Variants in CCDC171 observed in about 807,000 individuals in gnomAD.
The protein encoded by CCDC171 is coiled-coil domain containing 171.
CCDC171 carries 177 observed loss-of-function variants against 168.2 expected under a neutral mutation model. The observed-to-expected ratio is 1.05, with a 90% CI of 0.93 to 1.19. CCDC171 has a LOEUF of 1.19. Among genes scored for constraint, CCDC171 ranks in the 50% most tolerant of loss-of-function variants. The pLI is 0.00. For missense variants in CCDC171, 1,991 were observed against 1,539.0 expected (o/e 1.29, Z -4.91); for synonymous variants, 687 against 540.8 (o/e 1.27, Z -3.75).
rs114368133 is a variant in CCDC171 at position 15,959,927 on chromosome 9, A to G, written c.3754-11682A>G. 7.3e-3 allele frequency among the ~76,000 whole-genome samples: 1,118 copies of G among 152,274 alleles called. 20 individuals carry two copies. The highest frequency in any genetic ancestry group is 0.026 in the African/African-American group (1,062 of 41,572). On this transcript the variant is annotated intron_variant, in intron 25 of 25. Transcript: ENST00000380701. ...GTTTTCAGATGACAGAAAGGGAAGG[A>G]TGGGCACCCCAAATTTTTGTTAGAG...
intron 12 of CCDC171, among the ~76,000 whole-genome samples, chr9:15,723,022 C>T (rs1219445310): frequency 6.6e-6 from 1 of 152,154 alleles, no homozygotes; most frequent in Non-Finnish European, 1.5e-5. Flanking sequence ...AAAGTCGACT[C>T]AGCAGGCTTT....
At chr9:15,808,257 G>T (rs1173611717) in intron 21 of CCDC171, among the ~76,000 whole-genome samples, 1 of 152,060 alleles carries the variant, frequency 6.6e-6, no homozygotes, top group African/African-American at 2.4e-5. Context: ...AAATATAACT[G>T]GAATGCTAGA....
chr9:16,024,943 C>G (rs993565586), intron 6 of CCDC171, among the ~76,000 whole-genome samples: 4 of 152,302 alleles, frequency 2.6e-5, no homozygotes, highest in African/African-American at 9.6e-5. Flanking sequence ...AGACATGGAA[C>G]TTTCCATTCC....
chr9:15,961,319 T>C (rs759070634), intron 25 of CCDC171, among the ~76,000 whole-genome samples: 3 of 152,148 alleles, frequency 2.0e-5, no homozygotes, highest in Non-Finnish European at 2.9e-5. Context: ...AGTAATGAAA[T>C]AGTGGTCAGA....
Position 15,584,490 on chromosome 9 carries a change from A to G in CCDC171, c.352+5467A>G, listed in dbSNP as rs200874162. 3.9e-5 allele frequency among the ~76,000 whole-genome samples: 6 copies of G among 152,184 alleles called. No individual in the cohort carries two copies. In the East Asian group the frequency reaches 7.7e-4, roughly 20 times the overall value. On this transcript the variant is annotated intron_variant, in intron 4 of 25. Coordinates refer to ENST00000380701, the MANE Select transcript of CCDC171 (RefSeq NM_173550.4). ...TGGAGAAATATGACTGGACAAAAGT[A>G]TATGTTCCAATGTAATAAACTGAGT...
intron 21 of CCDC171, among the ~76,000 whole-genome samples, chr9:15,815,206 G>T (rs2059519380): frequency 6.6e-6 from 1 of 152,078 alleles, no homozygotes; most frequent in Non-Finnish European, 1.5e-5. Flanking sequence ...GGGGTCTCAA[G>T]ACTTACGCCT....
intron 8 of CCDC171, among the ~76,000 whole-genome samples, chr9:15,658,231 T>C (rs1432974245): frequency 1.3e-5 from 2 of 152,220 alleles, no homozygotes; most frequent in African/African-American, 4.8e-5. Context: ...AGACTAATTA[T>C]GGAAGTCCTT....
At chr9:16,032,943 T>G (rs183197319) in intron 6 of CCDC171, among the ~76,000 whole-genome samples, 10 of 152,290 alleles carry the variant, frequency 6.6e-5, no homozygotes, top group Admixed American at 6.5e-4. Context: ...TCTGTCTTAG[T>G]AAGCTCCTCC....
intron 6 of CCDC171, among the ~76,000 whole-genome samples, chr9:16,033,782 A>T (rs1236600656): frequency 6.8e-6 from 1 of 147,842 alleles, no homozygotes; most frequent in African/African-American, 2.5e-5. Context: ...TTAACCTCCC[A>T]TAGTCTTCCT....
At chr9:15,994,592 A>T (rs115311079) in intron 3 of CCDC171, among the ~76,000 whole-genome samples, 1 of 152,312 alleles carries the variant, frequency 6.6e-6, no homozygotes, top group African/African-American at 2.4e-5. Flanking sequence ...ATATAAAAAA[A>T]AGTTTCTCTT....
chr9:16,065,345 G>A (rs113000258), downstream of CCDC171, among the ~76,000 whole-genome samples: 14 of 152,018 alleles, frequency 9.2e-5, no homozygotes, highest in Non-Finnish European at 1.6e-4. Context: ...CTTCTGGGAC[G>A]TTCTGGGAAA....
At chr9:15,727,797 A>G (rs778268207) in intron 14 of CCDC171, 72 bp from the exon 15 acceptor site, 81 of 1,161,208 alleles carry the variant, frequency 7.0e-5, no homozygotes, top group Non-Finnish European at 8.8e-5. Context: ...ACTCTTCACC[A>G]TTAGTATTAT....
At chr9:15,662,267 A>AC (rs1244778158) in intron 8 of CCDC171, among the ~76,000 whole-genome samples, 2 of 151,878 alleles carry the variant, frequency 1.3e-5, no homozygotes, top group African/African-American at 4.8e-5. Flanking sequence ...ACAGAGTGAG[A>AC]CTCTGTCCCC....
intron 2 of CCDC171, among the ~76,000 whole-genome samples, chr9:15,564,759 A>C (rs2132572330): frequency 6.6e-6 from 1 of 152,364 alleles, no homozygotes; most frequent in East Asian, 1.9e-4. Context: ...CTTTACAAAG[A>C]AATAAGTACT....
At chr9:16,107,554 C>T in the CCDC171 span, among the ~76,000 whole-genome samples, 1 of 151,828 alleles carries the variant, frequency 6.6e-6, no homozygotes, top group Non-Finnish European at 1.5e-5. Flanking sequence ...GTGTGTATCA[C>T]ACACACACAT....
chr9:16,077,766 G>T, the CCDC171 span, among the ~76,000 whole-genome samples: 1 of 152,190 alleles, frequency 6.6e-6, no homozygotes, highest in African/African-American at 2.4e-5. Context: ...TTGCAATGCA[G>T]CACACCTGAC....
At chr9:15,634,257 A>G (rs1485576732) in intron 7 of CCDC171, among the ~76,000 whole-genome samples, 7 of 152,190 alleles carry the variant, frequency 4.6e-5, no homozygotes, top group Non-Finnish European at 1.0e-4. Flanking sequence ...AAAAAAATTA[A>G]AGATATAATT....
chr9:15,598,276 G>C (rs2042542667), intron 6 of CCDC171, among the ~76,000 whole-genome samples: 2 of 151,892 alleles, frequency 1.3e-5, no homozygotes, highest in South Asian at 4.2e-4. Flanking sequence ...GCTTTCTCTT[G>C]TGGGCATTTA....
At chr9:16,095,517 T>TCTC in the CCDC171 span, among the ~76,000 whole-genome samples, 11 of 147,928 alleles carry the variant, frequency 7.4e-5, no homozygotes, top group African/African-American at 2.9e-4. Context: ...CTGTCTCTCT[T>TCTC]CTCTCTCACA....
Sources: allele counts gnomAD v4.1 joint callset (sites outside exome capture counted in the v4.1 genomes callset), GRCh38; gene constraint gnomAD v4.1.1; transcripts MANE v1.5; gene names NCBI Gene and HGNC (gene_info 2026-07-23, HGNC 2026-07-21).